Variants in CD247 observed in about 807,000 individuals in gnomAD.
CD247 encodes the protein T-cell surface glycoprotein CD3 zeta chain.
CD247 carries 13 observed loss-of-function variants against 30.0 expected under a neutral mutation model. That is an observed-to-expected ratio of 0.43 (90% CI 0.28 to 0.69). CD247 has a LOEUF of 0.69. CD247 is among the 30% of genes least tolerant of loss of function. The pLI is 0.16. For missense variants in CD247, 193 were observed against 212.6 expected, an observed-to-expected ratio of 0.91 and a Z score of 0.57; for synonymous variants, 72 against 80.0, an observed-to-expected ratio of 0.90 and a Z score of 0.53.
At chr1:167,481,632 C>G (rs1012705468) in intron 1 of CD247, among the ~76,000 whole-genome samples, 3 of 152,178 alleles carry the variant, frequency 2.0e-5, no homozygotes. Context: ...AGGACAGATG[C>G]AGTAAGTTCA....
intron 1 of CD247, among the ~76,000 whole-genome samples, chr1:167,491,429 A>C (rs560177965): frequency 6.6e-6 from 1 of 152,136 alleles, no homozygotes; most frequent in Non-Finnish European, 1.5e-5. Context: ...TTAGCCGGAC[A>C]TGGTGGCCCA....
chr1:167,454,353 TCTAA>T (rs1652525510), intron 1 of CD247, among the ~76,000 whole-genome samples: 2 of 152,182 alleles, frequency 1.3e-5, no homozygotes, highest in Non-Finnish European at 2.9e-5. Context: ...TGTTTGGAAC[TCTAA>T]CTATGATAGT....
chr1:167,497,012 G>A (rs1654720124), intron 1 of CD247, among the ~76,000 whole-genome samples: 1 of 152,186 alleles, frequency 6.6e-6, no homozygotes, highest in African/African-American at 2.4e-5. Context: ...CCACAAATGT[G>A]AGCACAGATG....
At chr1:167,473,211 T>G (rs181076701) in intron 1 of CD247, among the ~76,000 whole-genome samples, 1 of 152,246 alleles carries the variant, frequency 6.6e-6, no homozygotes, top group East Asian at 1.9e-4. Flanking sequence ...TCTTACACCC[T>G]CTGGGTGGTT....
chr1:167,434,824 C>T (rs1341005377), intron 5 of CD247: 12 of 458,050 alleles, frequency 2.6e-5, no homozygotes, highest in Non-Finnish European at 5.3e-5. Flanking sequence ...AGGCCGCAAG[C>T]AGGTGAGACA....
At chr1:167,458,689 C>CTTTTTTTTTTTTTTTTTTTTTTTTTTT (rs3070395) in intron 1 of CD247, 2 of 95,424 alleles carry the variant, frequency 2.1e-5, no homozygotes, top group African/African-American at 4.7e-5. Flanking sequence ...TTCTTTCTTT[C>CTTTTTTTTTTTTTTTTTTTTTTTTTTT]TTTTTTTTTT....
chr1:167,447,010 A>G (rs1652116160), intron 1 of CD247, among the ~76,000 whole-genome samples: 1 of 152,012 alleles, frequency 6.6e-6, no homozygotes, highest in African/African-American at 2.4e-5. Context: ...AAATAAAAAG[A>G]GATAATGGGT....
chr1:167,513,331 A>C (rs1655474320), intron 1 of CD247, among the ~76,000 whole-genome samples: 1 of 152,216 alleles, frequency 6.6e-6, no homozygotes, highest in East Asian at 1.9e-4. Context: ...AATTTTTTAC[A>C]CTTGTAAAAA....
chr1:167,438,752 A>G, intron 3 of CD247, 102 bp from the exon 4 acceptor site: 1 of 899,568 alleles, frequency 1.1e-6, no homozygotes, highest in Non-Finnish European at 1.9e-6. Context: ...GGTGGCTCAT[A>G]AAAAGAGGGG....
chr1:167,503,591 A>G (rs1655000243), intron 1 of CD247, among the ~76,000 whole-genome samples: 1 of 152,224 alleles, frequency 6.6e-6, no homozygotes, highest in South Asian at 2.1e-4. Flanking sequence ...TGTTTCCAAA[A>G]TGTACATTCC....
rs559085268 is a variant in CD247 at position 167,487,324 on chromosome 1, C to T, written c.58+31084G>A. Among the ~76,000 whole-genome samples, 10 of 152,144 alleles carry T rather than the reference C, an allele frequency of 6.6e-5. No individual in the cohort carries two copies. The East Asian group carries it at 1.5e-3, about 24-fold the overall frequency. ...TCGGGAGGTGGAGGTTGCAGTGAGCCGAGATCGTGCCACTGCACTCCAGCC... is the reference window on the plus strand; with the variant it reads ...TCGGGAGGTGGAGGTTGCAGTGAGCTGAGATCGTGCCACTGCACTCCAGCC... On this transcript the variant is annotated intron_variant, in intron 1 of 7. Transcript: ENST00000362089.
At chr1:167,433,653 A>T (rs977097236) in intron 6 of CD247, among the ~76,000 whole-genome samples, 1 of 152,218 alleles carries the variant, frequency 6.6e-6, no homozygotes, top group African/African-American at 2.4e-5. Flanking sequence ...TTAATTGTTG[A>T]TGAACAATTC....
At chr1:167,501,415 A>G (rs1654903659) in intron 1 of CD247, among the ~76,000 whole-genome samples, 1 of 152,198 alleles carries the variant, frequency 6.6e-6, no homozygotes, top group African/African-American at 2.4e-5. Context: ...ATGACAAAAG[A>G]AAGTCAAGGT....
chr1:167,514,861 C>T (rs34322294), intron 1 of CD247, among the ~76,000 whole-genome samples: 1 of 152,030 alleles, frequency 6.6e-6, no homozygotes, highest in African/African-American at 2.4e-5. Context: ...GCAACTGGAC[C>T]CTTCTAAGTA....
At chr1:167,504,340 A>G (rs1318187987) in intron 1 of CD247, among the ~76,000 whole-genome samples, 3 of 152,248 alleles carry the variant, frequency 2.0e-5, no homozygotes, top group African/African-American at 7.2e-5. Flanking sequence ...AAATGTGAGT[A>G]CTTTGAGAGC....
chr1:167,511,233 T>G (rs536471762), intron 1 of CD247, among the ~76,000 whole-genome samples: 120 of 152,330 alleles, frequency 7.9e-4, no homozygotes, highest in African/African-American at 2.8e-3. Context: ...CTCATACACA[T>G]AAAACCTTTC....
chr1:167,444,275 AACAG>A (rs1461400536), intron 1 of CD247, among the ~76,000 whole-genome samples: 2 of 152,196 alleles, frequency 1.3e-5, no homozygotes, highest in Non-Finnish European at 2.9e-5. Context: ...TTCCCTGGAC[AACAG>A]ACAGTTTTGC....
intron 1 of CD247, among the ~76,000 whole-genome samples, chr1:167,514,679 A>C (rs1246768459): frequency 6.6e-6 from 1 of 152,166 alleles, no homozygotes; most frequent in Non-Finnish European, 1.5e-5. Context: ...GTTAATAAAA[A>C]TTAGCCTTGG....
intron 1 of CD247, among the ~76,000 whole-genome samples, chr1:167,467,745 A>G (rs1183546685): frequency 6.6e-6 from 1 of 152,046 alleles, no homozygotes; most frequent in Non-Finnish European, 1.5e-5. Flanking sequence ...ACCCACCCAC[A>G]TGAACCCCAG....
Sources: gnomAD v4.1 joint callset for allele counts (sites outside exome capture counted in the v4.1 genomes callset) on GRCh38, gnomAD v4.1.1 for gene constraint, MANE v1.5 for transcripts, NCBI Gene and HGNC (gene_info 2026-07-23, HGNC 2026-07-21) for gene names.